Variants in NLRP5 observed in about 807,000 individuals in gnomAD.
NLRP5 encodes NLR family pyrin domain containing 5.
In NLRP5, 93 loss-of-function variants were observed where a neutral mutation model predicts 113.1. The ratio of observed to expected loss-of-function variants is 0.82; its 90% CI spans 0.70 to 0.98. The LOEUF (loss-of-function observed/expected upper bound fraction) is 0.98. Among genes scored for constraint, NLRP5 ranks in the 50% least tolerant of loss-of-function variants. The pLI is 0.00. For synonymous variants in NLRP5, 751 were observed against 600.7 expected (o/e 1.25, Z -3.66); for missense variants, 1,808 against 1,514.3 (o/e 1.19, Z -3.22).
At chr19:55,992,991 G>T in the NLRP5 span, among the ~76,000 whole-genome samples, 1 of 151,700 alleles carries the variant, frequency 6.6e-6, no homozygotes, top group Non-Finnish European at 1.5e-5. Flanking sequence ...CTGGGATTAC[G>T]GGCACCTGCC....
At chr19:56,002,701 T>TA (rs1981703937) in intron 1 of NLRP5, among the ~76,000 whole-genome samples, 1 of 147,714 alleles carries the variant, frequency 6.8e-6, no homozygotes, top group Non-Finnish European at 1.5e-5. Context: ...CACCTATGAG[T>TA]GAGAACATGC....
intron 3 of NLRP5, among the ~76,000 whole-genome samples, chr19:56,012,658 CTTACAATTATTTTCCTTGGAACG>C (rs1982243914): frequency 1.4e-5 from 1 of 69,230 alleles, no homozygotes; most frequent in Non-Finnish European, 3.7e-5. Flanking sequence ...TTGGAACGAT[CTTACAATTATTTTCCTTGGAACG>C]ATCTTACAAT....
chr19:56,029,708 G>T (rs915780903), intron 7 of NLRP5, among the ~76,000 whole-genome samples: 1 of 152,072 alleles, frequency 6.6e-6, no homozygotes, highest in Non-Finnish European at 1.5e-5. Flanking sequence ...CTGGGTGGAC[G>T]AGGATTACTT....
intron 7 of NLRP5, among the ~76,000 whole-genome samples, chr19:56,029,540 A>G (rs1983011563): frequency 6.6e-6 from 1 of 152,138 alleles, no homozygotes; most frequent in African/African-American, 2.4e-5. Context: ...TGCTGGGATT[A>G]TAGGCATAAG....
At chr19:55,998,238 C>T (rs1043367699), upstream of NLRP5, among the ~76,000 whole-genome samples, 1 of 151,844 alleles carries the variant, frequency 6.6e-6, no homozygotes, top group Admixed American at 6.6e-5. Context: ...CACCTGTAGT[C>T]CCAGCTACTT....
At chr19:56,028,903 T>C (rs958782737) in intron 7 of NLRP5, among the ~76,000 whole-genome samples, 1 of 152,192 alleles carries the variant, frequency 6.6e-6, no homozygotes, top group African/African-American at 2.4e-5. Context: ...GAGCTGGGAC[T>C]ACAGGCATGC....
At position 56,051,749 on chromosome 19, in the gene NLRP5, G is replaced by A. The variant is rs1328096887; in HGVS notation, c.3128+1161G>A. Among the ~76,000 whole-genome samples the A allele has an allele frequency of 2.6e-5, 4 of 152,138 alleles. 1 individual carries two copies. Among genetic ancestry groups the A allele is most frequent in the South Asian group, 4.1e-4 (2 of 4,826 alleles). ...TTAAAAATCTCCTAAAGCTGGACAC[G>A]TACCTTATATCTAGTGTTTTCATCA... On this transcript the variant is annotated intron_variant, in intron 12 of 14. Coordinates refer to ENST00000390649, the MANE Select transcript of NLRP5 (RefSeq NM_153447.4).
intron 9 of NLRP5, among the ~76,000 whole-genome samples, chr19:56,035,127 T>A (rs778003236): frequency 6.6e-6 from 1 of 151,988 alleles, no homozygotes; most frequent in Non-Finnish European, 1.5e-5. Context: ...TTAGTAGAGA[T>A]GGGGGTTTCA....
chr19:56,002,229 C>A (rs963115423), intron 1 of NLRP5, among the ~76,000 whole-genome samples: 1 of 152,122 alleles, frequency 6.6e-6, no homozygotes, highest in South Asian at 2.1e-4. Context: ...GATATTCAGA[C>A]CCTTTGCCCA....
At chr19:56,019,435 G>C (rs1568487623) in intron 5 of NLRP5, 37 bp downstream of exon 5, 1 of 1,598,874 alleles carries the variant, frequency 6.3e-7, no homozygotes, top group South Asian at 1.1e-5. Flanking sequence ...TTGCCCTCCT[G>C]GAAGAAAGTT....
chr19:56,057,374 AG>A (rs1477047147), intron 13 of NLRP5, among the ~76,000 whole-genome samples: 1 of 148,912 alleles, frequency 6.7e-6, no homozygotes, highest in Non-Finnish European at 1.5e-5. Flanking sequence ...GTTGCTCTTA[AG>A]ATGAAATTCT....
chr19:56,057,879 T>G (rs1189338496), intron 13 of NLRP5, among the ~76,000 whole-genome samples: 1 of 151,804 alleles, frequency 6.6e-6, no homozygotes, highest in Non-Finnish European at 1.5e-5. Context: ...TACAAAAAAT[T>G]AGCCAGGCAT....
chr19:56,061,349 A>G, intron 14 of NLRP5, 47 bp from the exon 15 acceptor site: 1 of 1,592,026 alleles, frequency 6.3e-7, no homozygotes, highest in Non-Finnish European at 8.6e-7. Flanking sequence ...AAGGGAGAAG[A>G]GTCGAAAGCA....
At chr19:56,061,028 A>T (rs1444203808) in intron 14 of NLRP5, among the ~76,000 whole-genome samples, 2 of 151,916 alleles carry the variant, frequency 1.3e-5, no homozygotes, top group Non-Finnish European at 2.9e-5. Context: ...TTATCTATTC[A>T]TGCTACATCA....
chr19:56,060,655 T>C (rs1238998499), intron 14 of NLRP5, among the ~76,000 whole-genome samples: 1 of 152,172 alleles, frequency 6.6e-6, no homozygotes, highest in Admixed American at 6.5e-5. Context: ...ATCTTAGGAC[T>C]GTTAGGACTG....
upstream of NLRP5, among the ~76,000 whole-genome samples, chr19:55,996,798 G>A (rs575193917): frequency 2.8e-4 from 43 of 152,242 alleles, no homozygotes; most frequent in Admixed American, 2.3e-3. Flanking sequence ...ATAAACATAC[G>A]TGTGCATGTG....
At chr19:55,992,406 C>G in the NLRP5 span, among the ~76,000 whole-genome samples, 1 of 152,100 alleles carries the variant, frequency 6.6e-6, no homozygotes, top group East Asian at 1.9e-4. Flanking sequence ...ATGGCTGGGT[C>G]CAACGCTACT....
chr19:56,048,979 A>ATTTTTT lies in NLRP5; in HGVS notation c.2958-1424_2958-1419dup, dbSNP rs60229740. Among the ~76,000 whole-genome samples the ATTTTTT allele has an allele frequency of 7.8e-4, 74 of 94,938 alleles. 2 individuals carry two copies. Among genetic ancestry groups the ATTTTTT allele is most frequent in the African/African-American group, 2.1e-3 (47 of 22,922 alleles). The allele number at this position is 94,938 out of a possible 152,430, so 62.3% of individuals were successfully genotyped here. On this transcript the variant is annotated intron_variant, in intron 11 of 14. Coordinates refer to ENST00000390649, the MANE Select transcript of NLRP5 (RefSeq NM_153447.4). ...CTTCAAGCTCTGATTTTTTTTTTTA[A>ATTTTTT]TTTTTTTTTTTTTTTTTTTTGAGAC...
chr19:56,055,537 C>CTTTTTTTTTTTTTTTTTTTTTTTTTT lies in NLRP5; in HGVS notation c.3299+1730_3299+1755dup, dbSNP rs1160965587. Among the ~76,000 whole-genome samples, 20 of 76,464 alleles carry CTTTTTTTTTTTTTTTTTTTTTTTTTT rather than the reference C, an allele frequency of 2.6e-4. 3 individuals carry two copies. The highest frequency in any genetic ancestry group is 3.9e-4 in the Admixed American group (2 of 5,076). The allele number at this position is 76,464 out of a possible 152,430, so 50.2% of individuals were successfully genotyped here. ...CCATGTTCTATTTTTCTTTCTCTGT[C>CTTTTTTTTTTTTTTTTTTTTTTTTTT]TTTTTTTTTTTTTTTTTTTTTTTTT... On this transcript the variant is annotated intron_variant, in intron 13 of 14. Transcript: ENST00000390649.
Sources: allele counts gnomAD v4.1 joint callset (sites outside exome capture counted in the v4.1 genomes callset), GRCh38; gene constraint gnomAD v4.1.1; transcripts MANE v1.5; gene names NCBI Gene and HGNC (gene_info 2026-07-23, HGNC 2026-07-21).